SPTAN1: variants seen among roughly 807,000 people sequenced by gnomAD.
The protein encoded by SPTAN1 is spectrin alpha chain, non-erythrocytic 1.
SPTAN1 carries 61 observed loss-of-function variants against 331.3 expected under a neutral mutation model. That is an observed-to-expected ratio of 0.18 (90% CI 0.15 to 0.23). The LOEUF (loss-of-function observed/expected upper bound fraction) is 0.23. Ranked by LOEUF, SPTAN1 falls within the 10% of genes least tolerant of loss-of-function variation. The pLI is 1.00. For synonymous variants in SPTAN1, 1,153 were observed against 1,173.9 expected (o/e 0.98, Z 0.36); for missense variants, 2,043 against 3,147.9 (o/e 0.65, Z 8.40).
At chr9:128,620,937 C>A (rs1857771353) in intron 44 of SPTAN1, among the ~76,000 whole-genome samples, 2 of 152,132 alleles carry the variant, frequency 1.3e-5, no homozygotes, top group South Asian at 4.1e-4. Flanking sequence ...GAAGCCTGTC[C>A]CACCACTGCT....
At position 128,562,978 on chromosome 9, in the gene SPTAN1, ATATACATGTATGTG is replaced by A. The variant is rs1363960181; in HGVS notation, c.-3-3755_-3-3742del. Among the ~76,000 whole-genome samples the A allele has an allele frequency of 2.3e-3, 64 of 27,634 alleles. 1 individual carries two copies. The East Asian group carries it at 0.09, about 39-fold the overall frequency. 18.1% of individuals were successfully genotyped at this position (27,634 alleles called of 152,430 possible). A position where few individuals can be genotyped will look rare whatever the true frequency, so the allele number is the denominator to read the frequency against. ...AGACTCCGTCTAAAAAAAAATATATATATACATGTATGTGTATATATATATATATATATATATAT... is the reference window on the plus strand; with the variant it reads ...AGACTCCGTCTAAAAAAAAATATATATATATATATATATATATATATATAT... On this transcript the variant is annotated intron_variant, in intron 1 of 56. Coordinates refer to ENST00000372739, the MANE Select transcript of SPTAN1 (RefSeq NM_001130438.3).
At chr9:128,562,816 T>A (rs998366400) in intron 1 of SPTAN1, among the ~76,000 whole-genome samples, 6 of 151,534 alleles carry the variant, frequency 4.0e-5, no homozygotes, top group Non-Finnish European at 8.8e-5. Flanking sequence ...ATAGAAAATA[T>A]TAGCCGGGCG....
chr9:128,589,788 G>A (rs1265162778), intron 21 of SPTAN1, among the ~76,000 whole-genome samples: 8 of 135,362 alleles, frequency 5.9e-5, no homozygotes, highest in Non-Finnish European at 9.6e-5. Flanking sequence ...TGTTAGCCAG[G>A]ATGGTCTCGA....
chr9:128,629,148 G>A lies in SPTAN1; in HGVS notation c.6708-1173G>A, dbSNP rs970983591. ...AGCATAGCATATCGTCGGGTCATTC[G>A]TGTCTATCAGTATGAAGTTGGGGAT... On this transcript the variant is annotated intron_variant, in intron 51 of 56. Transcript: ENST00000372739. This position sits in a 1 kb window ranked among gnomAD's most constrained non-coding sequence, Gnocchi z 4.9. 9.3e-5 allele frequency: 37 copies of A among 398,706 alleles called. No homozygotes were observed. The highest frequency in any genetic ancestry group is 4.1e-4 in the African/African-American group (20 of 48,726). The allele number at this position is 398,706 out of a possible 1,614,324, so 24.7% of individuals were successfully genotyped here.
chr9:128,625,206 A>T lies in SPTAN1; in HGVS notation c.6069+27A>T, dbSNP rs576091601. 3.7e-6 allele frequency: 6 copies of T among 1,608,414 alleles called. No individual in the cohort carries two copies. The highest frequency in any genetic ancestry group is 5.1e-6 in the Non-Finnish European group (6 of 1,175,006). On this transcript the variant is annotated intron_variant, in intron 47 of 56. Coordinates refer to ENST00000372739, the MANE Select transcript of SPTAN1 (RefSeq NM_001130438.3). This position sits in a 1 kb window ranked among gnomAD's most constrained non-coding sequence, Gnocchi z 4.1. ...TCTGCCCTGGCCCCTTCACTGGTTG[A>T]AATGTATGCAGATAGCATCTGTGAG...
In SPTAN1 at chr9:128,580,960, G is replaced by C. The variant is rs144590741; in HGVS notation, c.1362G>C (p.Glu454Asp). The change falls in exon 11 of 57, where the codon GAG (glutamate) becomes GAC (aspartate). Residue 454 changes from glutamate (E) to aspartate (D), a missense_variant. Physicochemically the swap from Glu to Asp is conservative, Grantham distance 45. Coordinates refer to ENST00000372739, the MANE Select transcript of SPTAN1 (RefSeq NM_001130438.3). ...VLSEERAALLELWELRRQQYE... is the reference protein window; with the variant it reads ...VLSEERAALLDLWELRRQQYE... ...CCGAGGAGAGAGCGGCGCTGCTGGA[G>C]CTGTGGGAGCTGCGCAGGCAGCAGT... 4.8e-5 allele frequency: 78 copies of C among 1,613,644 alleles called. No individual in the cohort carries two copies. Among genetic ancestry groups the C allele is most frequent in the Non-Finnish European group, 6.4e-5 (76 of 1,180,042 alleles).
chr9:128,620,033 C>T (rs549999505), intron 44 of SPTAN1, among the ~76,000 whole-genome samples: 17 of 152,158 alleles, frequency 1.1e-4, no homozygotes, highest in African/African-American at 2.2e-4. Flanking sequence ...CTGGCTAGAC[C>T]AACCTCCTTC....
chr9:128,555,620 C>CTTCCT (rs1554729033), intron 1 of SPTAN1, among the ~76,000 whole-genome samples: 2 of 49,440 alleles, frequency 4.0e-5, no homozygotes, highest in Non-Finnish European at 1.5e-4. Context: ...TTTGCAAAGC[C>CTTCCT]TTTTTTTTTT....
At position 128,630,323 on chromosome 9, in the gene SPTAN1, C is replaced by A; in HGVS notation, c.6710C>A (p.Ser2237Tyr). The change falls in exon 52 of 57, where the codon TCC becomes TAC. Residue 2237 changes from serine (S) to tyrosine (Y), a missense_variant and splice_region_variant. Physicochemically the swap from Ser to Tyr is moderately radical, Grantham distance 144. This residue lies in a region of SPTAN1 where 256 missense variants were observed against 376.4 expected (regional missense o/e 0.68). Transcript: ENST00000372739. ...CCTCACTGTCCTTCCACGTTTAGGTCCTGTATGGTGGAAGAGTCGGGGACC... is the reference window on the plus strand; with the variant it reads ...CCTCACTGTCCTTCCACGTTTAGGTACTGTATGGTGGAAGAGTCGGGGACC... ...QETRTYLLDG[S>Y]CMVEESGTLE... The A allele has an allele frequency of 6.2e-7, 1 of 1,613,582 alleles. No individual in the cohort carries two copies. Among genetic ancestry groups the A allele is most frequent in the Non-Finnish European group, 8.5e-7 (1 of 1,179,974 alleles).
chr9:128,598,516 CAT>C lies in SPTAN1; in HGVS notation c.3519+13_3519+14del, dbSNP rs764260912. 37 of 1,579,356 alleles carry C rather than the reference CAT, an allele frequency of 2.3e-5. No individual in the cohort carries two copies. The African/African-American group carries it at 4.6e-4, about 19-fold the overall frequency. On this transcript the variant is annotated intron_variant, in intron 25 of 56. Transcript: ENST00000372739. ...CTGTGCAACAACAGGTAGGTGTCTC[CAT>C]CTTGGAGTGAGGCTCTGTTGCTGTA...
At chr9:128,594,154 C>T in intron 23 of SPTAN1, 21 bp from the exon 24 acceptor site, 1 of 1,613,672 alleles carries the variant, frequency 6.2e-7, no homozygotes. Context: ...TCCCTCTTGT[C>T]ACCCTCTTGA....
Position 128,578,153 on chromosome 9 carries a change from G to T in SPTAN1, c.1129G>T (p.Val377Leu), listed in dbSNP as rs748059445. The change falls in exon 9 of 57, where the codon GTG becomes TTG. Residue 377 changes from valine (V) to leucine (L), a missense_variant. By Grantham distance (32) the Val-to-Leu change is conservative. Around this residue, in one of 12 missense-constraint regions of SPTAN1, gnomAD observed 1,038 missense variants for 1,531.5 expected, o/e 0.68. Coordinates refer to ENST00000372739, the MANE Select transcript of SPTAN1 (RefSeq NM_001130438.3). ...TGACTTCCGTGACCTCACCAGCTGG[G>T]TGACTGAGATGAAAGCCCTCATCAA... is the stretch of plus-strand genomic sequence containing the variant. ...LADFRDLTSW[V>L]TEMKALINAD... 6.2e-7 allele frequency: 1 copy of T among 1,614,044 alleles called. No individual in the cohort carries two copies. The highest frequency in any genetic ancestry group is 1.3e-5 in the African/African-American group (1 of 74,918).
intron 10 of SPTAN1, among the ~76,000 whole-genome samples, chr9:128,580,388 A>G (rs1162288041): frequency 6.6e-6 from 1 of 151,450 alleles, no homozygotes; most frequent in Non-Finnish European, 1.5e-5. Context: ...GTTTTGAAGT[A>G]TCTTCGAGTA....
intron 31 of SPTAN1, among the ~76,000 whole-genome samples, chr9:128,606,657 A>AT (rs146442842): frequency 4.0e-5 from 6 of 150,494 alleles, no homozygotes; most frequent in African/African-American, 1.5e-4. Flanking sequence ...CTAATTTTGT[A>AT]TTTTTTTTAG....
At chr9:128,584,053 G>T in intron 16 of SPTAN1, 84 bp downstream of exon 16, 5 of 1,562,790 alleles carry the variant, frequency 3.2e-6, no homozygotes, top group Non-Finnish European at 4.4e-6. Flanking sequence ...GAGACTAAAT[G>T]AATTTTGGGA....
chr9:128,611,658 G>T, intron 37 of SPTAN1, 56 bp from the exon 38 acceptor site: 1 of 1,606,794 alleles, frequency 6.2e-7, no homozygotes, highest in Non-Finnish European at 8.5e-7. Flanking sequence ...CCTTCCCCCT[G>T]AAAAGACATA....
At chr9:128,566,684 T>C (rs1850075714) in intron 1 of SPTAN1, 54 bp from the exon 2 acceptor site, 1 of 1,613,056 alleles carries the variant, frequency 6.2e-7, no homozygotes, top group African/African-American at 1.3e-5. Context: ...CTAATTACTT[T>C]TCATCTATTT....
chr9:128,617,349 T>C (rs913338671), intron 41 of SPTAN1, among the ~76,000 whole-genome samples: 1 of 152,148 alleles, frequency 6.6e-6, no homozygotes, highest in African/African-American at 2.4e-5. Context: ...TATATATTGA[T>C]ATAATTTGAT....
chr9:128,559,053 T>C (rs766133425), intron 1 of SPTAN1, among the ~76,000 whole-genome samples: 1 of 152,194 alleles, frequency 6.6e-6, no homozygotes, highest in Non-Finnish European at 1.5e-5. Flanking sequence ...ATGAAAATTC[T>C]GAATGCTGAC....
Sources: allele counts gnomAD v4.1 joint callset (sites outside exome capture counted in the v4.1 genomes callset), GRCh38; gene constraint gnomAD v4.1.1; regional missense constraint gnomAD v4.1.1; non-coding constraint Gnocchi (gnomAD v3.1); transcripts MANE v1.5; gene names NCBI Gene and HGNC (gene_info 2026-07-23, HGNC 2026-07-21).